The following SND1 variants were observed in gnomAD, a reference collection of about 807,000 sequenced individuals.
SND1 encodes staphylococcal nuclease domain-containing protein 1.
Under a neutral mutation model 121.7 loss-of-function variants are expected in SND1, and 38 were observed. That is an observed-to-expected ratio of 0.31 (90% CI 0.24 to 0.41). SND1 has a LOEUF of 0.41. Ranked by LOEUF, SND1 falls within the 10% of genes least tolerant of loss-of-function variation. The probability of loss-of-function intolerance (pLI) is 1.00; values close to 1 mark genes in which losing one functional copy is unlikely to be tolerated. For missense variants in SND1, 868 were observed against 1,184.6 expected (o/e 0.73, Z 3.92); for synonymous variants, 401 against 447.4 (o/e 0.90, Z 1.31).
chr7:127,706,390 GGGACTAC>G (rs1796200156), intron 8 of SND1, among the ~76,000 whole-genome samples: 1 of 151,754 alleles, frequency 6.6e-6, no homozygotes, highest in African/African-American at 2.4e-5. Flanking sequence ...CCCAGTAGCT[GGGACTAC>G]AGGCGCATGC....
intron 2 of SND1, among the ~76,000 whole-genome samples, chr7:127,688,763 C>T (rs1293597484): frequency 6.6e-6 from 1 of 151,322 alleles, no homozygotes; most frequent in Non-Finnish European, 1.5e-5. Flanking sequence ...TTCTGGATTC[C>T]AATTATTTGT....
At chr7:128,037,779 G>C (rs190411697) in intron 16 of SND1, among the ~76,000 whole-genome samples, 9 of 152,322 alleles carry the variant, frequency 5.9e-5, no homozygotes, top group Non-Finnish European at 1.0e-4. Context: ...CCAAGAGAAG[G>C]GGGCAGGCTG....
At chr7:127,929,143 G>A (rs1800909627) in intron 14 of SND1, 45 bp from the exon 15 acceptor site, 1 of 1,599,870 alleles carries the variant, frequency 6.3e-7, no homozygotes, top group African/African-American at 1.3e-5. Context: ...AGAAACGTTG[G>A]GTTTTATTAC....
intron 11 of SND1, among the ~76,000 whole-genome samples, chr7:127,813,400 T>C (rs1231627414): frequency 6.6e-6 from 1 of 151,536 alleles, no homozygotes; most frequent in East Asian, 2.0e-4. Context: ...TTCTTCCTGC[T>C]GCCACCTAAA....
intron 1 of SND1, among the ~76,000 whole-genome samples, chr7:127,667,834 A>G (rs569175837): frequency 6.6e-5 from 10 of 151,492 alleles, no homozygotes; most frequent in Non-Finnish European, 1.2e-4. Flanking sequence ...ATGCACATAC[A>G]GTGCTTAGAA....
chr7:127,656,413 C>G (rs1237089145), intron 1 of SND1, among the ~76,000 whole-genome samples: 17 of 150,902 alleles, frequency 1.1e-4, no homozygotes, highest in Admixed American at 1.1e-3. Context: ...ACCTCCACCT[C>G]TTGGGTTCAA....
chr7:127,900,911 T>C (rs538877705), intron 13 of SND1, among the ~76,000 whole-genome samples: 2 of 152,314 alleles, frequency 1.3e-5, no homozygotes, highest in South Asian at 4.1e-4. Context: ...TTCTGCTGGC[T>C]GGCCTGCACA....
intron 22 of SND1, among the ~76,000 whole-genome samples, chr7:128,090,955 T>C (rs1231507211): frequency 6.6e-6 from 1 of 152,222 alleles, no homozygotes. Context: ...AGAAAATTCC[T>C]TCTGCCGCAG....
intron 12 of SND1, among the ~76,000 whole-genome samples, chr7:127,850,197 C>G (rs903291841): frequency 4.6e-5 from 7 of 152,096 alleles, no homozygotes; most frequent in Admixed American, 2.0e-4. Context: ...TTTGGTTTTT[C>G]TCAGTCACAG....
At chr7:127,904,915 C>T in intron 14 of SND1, 96 bp downstream of exon 14, 1 of 811,928 alleles carries the variant, frequency 1.2e-6, no homozygotes, top group Non-Finnish European at 2.1e-6. Context: ...TTTTCTCTAG[C>T]TCGCTCCTTT....
chr7:127,829,031 A>T (rs1798693372), intron 11 of SND1, among the ~76,000 whole-genome samples: 2 of 152,210 alleles, frequency 1.3e-5, no homozygotes. Context: ...CAGGTGATGC[A>T]TCAGGGAGAG....
chr7:128,013,383 A>G (rs1803157169), intron 16 of SND1, among the ~76,000 whole-genome samples: 1 of 152,256 alleles, frequency 6.6e-6, no homozygotes, highest in Non-Finnish European at 1.5e-5. Flanking sequence ...GGATCACTAT[A>G]CTGGTTCTAA....
intron 15 of SND1, 72 bp downstream of exon 15, chr7:127,929,401 C>G (rs1162856487): frequency 4.6e-6 from 7 of 1,523,388 alleles, no homozygotes; most frequent in African/African-American, 1.4e-5. Flanking sequence ...CTCCTTTCCC[C>G]CTGTGTTCTA....
chr7:128,088,621 T>G (rs1418907972), intron 21 of SND1, among the ~76,000 whole-genome samples: 1 of 151,828 alleles, frequency 6.6e-6, no homozygotes, highest in East Asian at 1.9e-4. Context: ...CCCAGCTAAT[T>G]TTTGTATTTT....
At chr7:127,945,365 C>T (rs1377895542) in intron 15 of SND1, among the ~76,000 whole-genome samples, 1 of 152,066 alleles carries the variant, frequency 6.6e-6, no homozygotes, top group Non-Finnish European at 1.5e-5. Flanking sequence ...GTGGCGGGCA[C>T]CTGTAGTCCC....
Position 128,029,255 on chromosome 7 carries a change from C to T in SND1, c.1779+38199C>T. ...GCGTTGTGTCCTCAGGCGAGATCTC[C>T]GTGGTCTCCACTGTTACTGTGGTGA... On this transcript the variant is annotated intron_variant, in intron 16 of 23. Transcript: ENST00000354725. This position sits in a 1 kb window ranked among gnomAD's most constrained non-coding sequence, Gnocchi z 4.2. 1.2e-6 allele frequency: 2 copies of T among 1,614,126 alleles called. No individual in the cohort carries two copies. The highest frequency in any genetic ancestry group is 1.7e-6 in the Non-Finnish European group (2 of 1,180,034).
At chr7:127,757,765 A>G (rs985320007) in intron 10 of SND1, among the ~76,000 whole-genome samples, 2 of 152,286 alleles carry the variant, frequency 1.3e-5, no homozygotes, top group South Asian at 2.1e-4. Flanking sequence ...AGCTGTTTGT[A>G]TATTCTGAAT....
intron 15 of SND1, among the ~76,000 whole-genome samples, chr7:127,940,431 A>G (rs1428695539): frequency 6.6e-6 from 1 of 152,204 alleles, no homozygotes; most frequent in South Asian, 2.1e-4. Flanking sequence ...GGTCAGACTA[A>G]TAGTAGAAAA....
At chr7:127,778,169 T>C (rs1400825188) in intron 10 of SND1, among the ~76,000 whole-genome samples, 1 of 136,610 alleles carries the variant, frequency 7.3e-6, no homozygotes, top group Non-Finnish European at 1.5e-5. Flanking sequence ...CAGTCCCATT[T>C]ATTTGTGTCT....
Sources: allele counts gnomAD v4.1 joint callset (sites outside exome capture counted in the v4.1 genomes callset), GRCh38; gene constraint gnomAD v4.1.1; non-coding constraint Gnocchi (gnomAD v3.1); transcripts MANE v1.5; gene names NCBI Gene and HGNC (gene_info 2026-07-23, HGNC 2026-07-21).